Variants in PTPRR observed in about 807,000 individuals in gnomAD.
PTPRR encodes receptor-type tyrosine-protein phosphatase R.
Under a neutral mutation model 77.2 loss-of-function variants are expected in PTPRR, and 38 were observed. The ratio of observed to expected loss-of-function variants is 0.49; its 90% CI spans 0.38 to 0.65. PTPRR has a LOEUF of 0.65. PTPRR is among the 30% of genes least tolerant of loss of function. The pLI is 0.00. For missense variants in PTPRR, 744 were observed against 799.2 expected (o/e 0.93, Z 0.83); for synonymous variants, 299 against 283.1 (o/e 1.06, Z -0.57).
intron 2 of PTPRR, among the ~76,000 whole-genome samples, chr12:70,888,721 A>G (rs898524883): frequency 2.0e-5 from 3 of 152,146 alleles, no homozygotes; most frequent in African/African-American, 7.2e-5. Flanking sequence ...CTGTGTTTGA[A>G]TCATGCTTTC....
At chr12:70,835,562 G>A (rs762747270) in intron 2 of PTPRR, among the ~76,000 whole-genome samples, 6 of 152,052 alleles carry the variant, frequency 3.9e-5, no homozygotes, top group Non-Finnish European at 7.4e-5. Context: ...AGCTACTCAT[G>A]TATTCCATGA....
chr12:70,868,844 T>C (rs28578368), intron 2 of PTPRR, among the ~76,000 whole-genome samples: 7,457 of 151,866 alleles, frequency 0.049, 604 homozygotes, highest in African/African-American at 0.17. Flanking sequence ...CCATGCAATA[T>C]TATGCAGCCA....
chr12:70,670,739 T>C (rs1435729322), intron 10 of PTPRR, among the ~76,000 whole-genome samples: 1 of 152,232 alleles, frequency 6.6e-6, no homozygotes, highest in Non-Finnish European at 1.5e-5. Context: ...TCCAGCTTTA[T>C]AGGTTTAAGC....
intron 6 of PTPRR, among the ~76,000 whole-genome samples, chr12:70,732,838 C>A (rs796991383): frequency 1.1e-4 from 17 of 152,292 alleles, no homozygotes; most frequent in African/African-American, 4.1e-4. Context: ...GGATTACAGG[C>A]ATGAGCCACT....
intron 6 of PTPRR, among the ~76,000 whole-genome samples, chr12:70,740,598 A>G (rs1279850336): frequency 6.6e-6 from 1 of 151,958 alleles, no homozygotes; most frequent in Non-Finnish European, 1.5e-5. Context: ...TATTCTTTAT[A>G]CTCAGTTAAG....
In PTPRR at chr12:70,833,954, G is replaced by A. The variant is rs1892259360; in HGVS notation, c.357+58725C>T. Among the ~76,000 whole-genome samples, 3 of 152,086 alleles carry A rather than the reference G, an allele frequency of 2.0e-5. No individual in the cohort carries two copies. The South Asian group carries it at 6.2e-4, about 31-fold the overall frequency. On this transcript the variant is annotated intron_variant, in intron 2 of 13. Coordinates refer to ENST00000283228, the MANE Select transcript of PTPRR (RefSeq NM_002849.4). ...TGATCTTGGCTCTGACTCTATCAGTGGGCTTTCTAGATATTCAGACAGTTA... is the reference window on the plus strand; with the variant it reads ...TGATCTTGGCTCTGACTCTATCAGTAGGCTTTCTAGATATTCAGACAGTTA...
intron 2 of PTPRR, among the ~76,000 whole-genome samples, chr12:70,873,781 G>C (rs983597834): frequency 1.3e-5 from 2 of 152,024 alleles, no homozygotes; most frequent in African/African-American, 4.8e-5. Flanking sequence ...GGAGTGGTGG[G>C]GGGTGGGTAA....
At chr12:70,752,952 T>G (rs1890449507) in intron 5 of PTPRR, among the ~76,000 whole-genome samples, 1 of 152,230 alleles carries the variant, frequency 6.6e-6, no homozygotes, top group Non-Finnish European at 1.5e-5. Flanking sequence ...TCTTAATCTC[T>G]GCCATGTGAA....
At chr12:70,881,523 G>T (rs1471027561) in intron 2 of PTPRR, among the ~76,000 whole-genome samples, 1 of 152,124 alleles carries the variant, frequency 6.6e-6, no homozygotes, top group East Asian at 1.9e-4. Context: ...GAAGTTATTT[G>T]CTGCTAACTT....
intron 4 of PTPRR, among the ~76,000 whole-genome samples, chr12:70,760,921 C>T (rs560446034): frequency 3.1e-4 from 47 of 152,122 alleles, no homozygotes; most frequent in African/African-American, 1.0e-3. Flanking sequence ...TTTTTAAAAG[C>T]GACAAATTTG....
intron 2 of PTPRR, among the ~76,000 whole-genome samples, chr12:70,778,515 G>A (rs1397638476): frequency 6.6e-6 from 1 of 152,068 alleles, no homozygotes; most frequent in Non-Finnish European, 1.5e-5. Flanking sequence ...CACTAATTAT[G>A]CAACTATATA....
chr12:70,721,974 G>A (rs1889273385), intron 6 of PTPRR, among the ~76,000 whole-genome samples: 1 of 152,120 alleles, frequency 6.6e-6, no homozygotes, highest in Admixed American at 6.6e-5. Context: ...TTTTGGCATG[G>A]GAAGTATTGT....
Position 70,809,072 on chromosome 12 carries a change from C to T in PTPRR, c.358-44294G>A, listed in dbSNP as rs553177447. 1.5e-4 allele frequency among the ~76,000 whole-genome samples: 23 copies of T among 152,306 alleles called. No homozygotes were observed. In the South Asian group the frequency reaches 2.1e-3, roughly 14 times the overall value. On this transcript the variant is annotated intron_variant, in intron 2 of 13. Transcript: ENST00000283228. The stretch of plus-strand genomic sequence containing the variant: ...CGCCAGAAGGGTTGGAAAAACTACT[C>T]ATTTCTGCAGCCTTCCTTACAGCTA...
chr12:70,696,146 G>A (rs1888225235), intron 8 of PTPRR, among the ~76,000 whole-genome samples: 1 of 150,374 alleles, frequency 6.7e-6, no homozygotes, highest in African/African-American at 2.4e-5. Context: ...ATATCTGTTT[G>A]TTTAGTCATA....
intron 6 of PTPRR, among the ~76,000 whole-genome samples, chr12:70,705,283 T>C (rs189147622): frequency 2.6e-5 from 4 of 152,248 alleles, no homozygotes; most frequent in African/African-American, 9.6e-5. Flanking sequence ...ACATTACAAC[T>C]GAGTGTTGGA....
intron 6 of PTPRR, among the ~76,000 whole-genome samples, chr12:70,731,349 C>A (rs1592713648): frequency 2.0e-5 from 3 of 152,074 alleles, no homozygotes; most frequent in Admixed American, 2.0e-4. Flanking sequence ...AGGACAGTCA[C>A]CCCTCTACAC....
In PTPRR at chr12:70,905,655, G is replaced by C. The variant is rs114233379; in HGVS notation, c.59-12678C>G. On this transcript the variant is annotated intron_variant, in intron 1 of 13. Transcript: ENST00000283228. Reference sequence around the variant, plus strand: ...GAAATGAATGAAATTACAATGTTTAGTTAGAGTACATTATGATTCATTATT... The same window carrying C: ...GAAATGAATGAAATTACAATGTTTACTTAGAGTACATTATGATTCATTATT... Among the ~76,000 whole-genome samples the C allele has an allele frequency of 3.1e-3, 471 of 151,984 alleles. 2 individuals are homozygous for C. The highest frequency in any genetic ancestry group is 0.011 in the African/African-American group (439 of 41,542).
intron 2 of PTPRR, among the ~76,000 whole-genome samples, chr12:70,843,752 T>C (rs892296517): frequency 6.6e-6 from 1 of 152,146 alleles, no homozygotes; most frequent in African/African-American, 2.4e-5. Flanking sequence ...TGTTGTTATT[T>C]CTATGAAAAT....
chr12:70,836,970 A>C (rs962838348), intron 2 of PTPRR, among the ~76,000 whole-genome samples: 4 of 152,092 alleles, frequency 2.6e-5, no homozygotes, highest in African/African-American at 9.7e-5. Flanking sequence ...CTAAACTATA[A>C]GTTCTCTAAA....
Sources: gnomAD v4.1 joint callset for allele counts (sites outside exome capture counted in the v4.1 genomes callset) on GRCh38, gnomAD v4.1.1 for gene constraint, MANE v1.5 for transcripts, NCBI Gene and HGNC (gene_info 2026-07-23, HGNC 2026-07-21) for gene names.